MYO1C: variants seen among roughly 807,000 people sequenced by gnomAD.
The protein encoded by MYO1C is myosin IC.
In MYO1C, 104 loss-of-function variants were observed where a neutral mutation model predicts 150.8. The ratio of observed to expected loss-of-function variants is 0.69; its 90% CI spans 0.59 to 0.81. The LOEUF is 0.81. Ranked by LOEUF, MYO1C falls within the 30% of genes least tolerant of loss-of-function variation. MYO1C has a pLI of 0.00. For synonymous variants in MYO1C, 663 were observed against 579.9 expected (o/e 1.14, Z -2.06); for missense variants, 1,504 against 1,435.0 (o/e 1.05, Z -0.78).
At position 1,478,676 on chromosome 17, in the gene MYO1C, A is replaced by G. The variant is rs1289273066; in HGVS notation, c.1152T>C (p.Ala384=). 6.2e-7 allele frequency: 1 copy of G among 1,614,154 alleles called. No individual in the cohort carries two copies. The highest frequency in any genetic ancestry group is 8.5e-7 in the Non-Finnish European group (1 of 1,180,028). ...GCCAGGTAAAAGTGCGGCTGTACAC[A>G]GCCTTGGCGAGGGCGTCTCGTGCGT... is the stretch of plus-strand genomic sequence containing the variant. ...AAYARDALAK[A]VYSRTFTWLV... Residue 384 remains alanine (A), a synonymous_variant, in exon 10 of 32, where the codon GCT becomes GCC. Coordinates refer to ENST00000648651, the MANE Select transcript of MYO1C (RefSeq NM_001080779.2). The surrounding 1 kb of genome is among the most constrained non-coding windows in gnomAD (Gnocchi z 6.3).
In MYO1C at chr17:1,467,284, C is replaced by G. The variant is rs370307852; in HGVS notation, c.3123G>C (p.Ser1041=). 6.2e-7 allele frequency: 1 copy of G among 1,613,622 alleles called. No homozygotes were observed. The highest frequency in any genetic ancestry group is 1.1e-5 in the South Asian group (1 of 90,982). ...RDGTIDFTPG[S]ELLITKAKNG... ...TCTTGGCCTTGGTGATGAGCAGCTC[C>G]GAGCCGGGTGTGAAGTCAATGGTGC... The change falls in exon 31 of 32, where the codon TCG becomes TCC. Residue 1041 remains serine (S), a synonymous_variant. Coordinates refer to ENST00000648651, the MANE Select transcript of MYO1C (RefSeq NM_001080779.2).
At chr17:1,481,168 C>A in intron 5 of MYO1C, 1 of 468,330 alleles carries the variant, frequency 2.1e-6, no homozygotes, top group Non-Finnish European at 3.9e-6. Context: ...CCTTCTCCCT[C>A]TTCAAACAAG....
Position 1,482,910 on chromosome 17 carries a change from C to T in MYO1C, c.497G>A (p.Arg166His), listed in dbSNP as rs748056997. ...CAGCCGGTCCCGCACGGCACCTCCG[C>T]GCTCGGGGGCTGGGCAGGTCTCTGC... Reference protein sequence around the residue: ...FYAETCPAPERGGAVRDRLLQ... With the variant: ...FYAETCPAPEHGGAVRDRLLQ... The change falls in exon 4 of 32, where the codon CGC becomes CAC. Residue 166 changes from arginine to histidine, a missense_variant. Physicochemically the swap from Arg to His is conservative, Grantham distance 29 (BLOSUM62 0). Coordinates refer to ENST00000648651, the MANE Select transcript of MYO1C (RefSeq NM_001080779.2). The T allele has an allele frequency of 2.6e-5, 40 of 1,542,422 alleles. 1 individual carries two copies. Among genetic ancestry groups the T allele is most frequent in the East Asian group, 1.8e-4 (8 of 43,498 alleles).
chr17:1,481,204 G>A (rs1450312580), intron 5 of MYO1C: 6 of 391,724 alleles, frequency 1.5e-5, no homozygotes, highest in Non-Finnish European at 2.9e-5. Context: ...GCCCTCCTTG[G>A]TCAGTGGTGA....
chr17:1,489,852 C>A (rs1032649668), intron 1 of MYO1C, among the ~76,000 whole-genome samples: 6 of 151,048 alleles, frequency 4.0e-5, no homozygotes, highest in Admixed American at 2.6e-4. Flanking sequence ...CAGCCTGGCC[C>A]ACATGGTGAA....
chr17:1,483,697 A>G lies in MYO1C; in HGVS notation c.260T>C (p.Val87Ala). The G allele has an allele frequency of 6.2e-7, 1 of 1,613,026 alleles. No homozygotes were observed. ...GATCTGCAGGTCCCGGTAGGGATTG[A>G]CAGAGACCAGGACGGGGCCAATGTA... Reference protein sequence around the residue: ...YTYIGPVLVSVNPYRDLQIYS... With the variant: ...YTYIGPVLVSANPYRDLQIYS... Residue 87 changes from valine to alanine, a missense_variant, in exon 3 of 32, where the codon GTC becomes GCC. By Grantham distance (64) the Val-to-Ala change is moderately conservative. Transcript: ENST00000648651.
Position 1,479,804 on chromosome 17 carries a change from C to T in MYO1C, c.907-99G>A, listed in dbSNP as rs1005340614. On this transcript the variant is annotated intron_variant, in intron 7 of 31. Coordinates refer to ENST00000648651, the MANE Select transcript of MYO1C (RefSeq NM_001080779.2). The surrounding 1 kb of genome is among the most constrained non-coding windows in gnomAD (Gnocchi z 4.2). ...CATGCAGGGGTGGGTGGTGAAGTGT[C>T]GGAGAGAAGGGGCTGGAAGTGGGAA... The T allele has an allele frequency of 4.4e-5, 36 of 812,758 alleles. No homozygotes were observed. Among genetic ancestry groups the T allele is most frequent in the South Asian group, 1.2e-4 (8 of 65,150 alleles). 50.3% of individuals were successfully genotyped at this position (812,758 alleles called of 1,614,324 possible).
chr17:1,479,183 G>C lies in MYO1C; in HGVS notation c.1092+248C>G, dbSNP rs2074461858. On this transcript the variant is annotated intron_variant, in intron 9 of 31. Coordinates refer to ENST00000648651, the MANE Select transcript of MYO1C (RefSeq NM_001080779.2). The surrounding 1 kb of genome is among the most constrained non-coding windows in gnomAD (Gnocchi z 4.2). ...CTAATTTTTGTATTCTTAGTAGATG[G>C]GGTTTCACCATGTTGGCCAAGATGG... 6.6e-6 allele frequency among the ~76,000 whole-genome samples: 1 copy of C among 152,112 alleles called. No homozygotes were observed. The highest frequency in any genetic ancestry group is 2.1e-4 in the South Asian group (1 of 4,818).
At chr17:1,488,392 C>T (rs1274838511) in intron 1 of MYO1C, among the ~76,000 whole-genome samples, 5 of 152,208 alleles carry the variant, frequency 3.3e-5, no homozygotes, top group Admixed American at 2.6e-4. Context: ...GCGCGAGCCC[C>T]GGGCGGGGAG....
intron 1 of MYO1C, chr17:1,491,538 C>T (rs1175526540): frequency 1.4e-5 from 11 of 807,744 alleles, no homozygotes; most frequent in African/African-American, 1.9e-5. Context: ...GGCTCCCGGC[C>T]CGGCCGCCCG....
At chr17:1,485,012 G>A (rs1485326242) in intron 1 of MYO1C, 2 of 908,880 alleles carry the variant, frequency 2.2e-6, no homozygotes, top group African/African-American at 3.4e-5. Context: ...GAACGCGGGG[G>A]AGGCCCTCCC....
At position 1,483,610 on chromosome 17, in the gene MYO1C, AGGT is replaced by A; in HGVS notation, c.344_346del (p.His115del). The A allele has an allele frequency of 6.2e-7, 1 of 1,605,824 alleles. No individual in the cohort carries two copies. Among genetic ancestry groups the A allele is most frequent in the Non-Finnish European group, 8.5e-7 (1 of 1,176,216 alleles). ...TCCCGGAGGGGCTGGGGTCACTCAC[AGGT>A]GAGGGGGCACTTCATAGAAGCTGAC... On this transcript the variant is annotated inframe_deletion and splice_region_variant, in exon 3 of 32. Transcript: ENST00000648651.
chr17:1,485,801 C>T, intron 1 of MYO1C: 1 of 720,968 alleles, frequency 1.4e-6, no homozygotes, highest in Non-Finnish European at 1.7e-6. Flanking sequence ...GAGGGAGGGC[C>T]CGCCCCCCGC....
At chr17:1,489,301 G>T (rs1332605075) in intron 1 of MYO1C, among the ~76,000 whole-genome samples, 1 of 152,238 alleles carries the variant, frequency 6.6e-6, no homozygotes, top group African/African-American at 2.4e-5. Flanking sequence ...ACAGGGCCTT[G>T]GTCAAGGACT....
At chr17:1,480,967 G>C in intron 5 of MYO1C, 82 bp from the exon 6 acceptor site, 1 of 1,513,162 alleles carries the variant, frequency 6.6e-7, no homozygotes, top group Non-Finnish European at 9.0e-7. Flanking sequence ...CTGCACTCCT[G>C]GGCTTTGGCA....
In MYO1C at chr17:1,479,525, C is replaced by T. The variant is rs115442427; in HGVS notation, c.1021-23G>A. The T allele has an allele frequency of 3.7e-3, 5,633 of 1,505,634 alleles. 105 individuals are homozygous for T. Among genetic ancestry groups the T allele is most frequent in the African/African-American group, 0.034 (2,457 of 72,624 alleles). 93.3% of individuals were successfully genotyped at this position (1,505,634 alleles called of 1,614,324 possible). A position where few individuals can be genotyped will look rare whatever the true frequency, so the allele number is the denominator to read the frequency against. On this transcript the variant is annotated intron_variant, in intron 8 of 31. Coordinates refer to ENST00000648651, the MANE Select transcript of MYO1C (RefSeq NM_001080779.2). This position sits in a 1 kb window ranked among gnomAD's most constrained non-coding sequence, Gnocchi z 4.2. ...GAGCTGCCAAGGGCAGGCGAGGACA[C>T]GGTGAGGGTGCACCCCCAGCCCCCG...
At chr17:1,477,473 C>T (rs2074422530) in intron 14 of MYO1C, 32 bp downstream of exon 14, 2 of 1,598,706 alleles carry the variant, frequency 1.3e-6, no homozygotes, top group Non-Finnish European at 1.7e-6. Context: ...CAAGTGAGCC[C>T]TTGCCCCCAG....
At chr17:1,481,616 T>A (rs944939702) in intron 5 of MYO1C, among the ~76,000 whole-genome samples, 2 of 151,888 alleles carry the variant, frequency 1.3e-5, no homozygotes, top group Non-Finnish European at 2.9e-5. Context: ...TTCTCCTGCC[T>A]CAGCCTCCTG....
chr17:1,476,090 T>C (rs568436600), intron 14 of MYO1C, among the ~76,000 whole-genome samples: 1 of 152,326 alleles, frequency 6.6e-6, no homozygotes, highest in African/African-American at 2.4e-5. Flanking sequence ...ATATTATTTT[T>C]ATAATCAGGA....
Sources: gnomAD v4.1 joint callset for allele counts (sites outside exome capture counted in the v4.1 genomes callset) on GRCh38, gnomAD v4.1.1 for gene constraint, Gnocchi (gnomAD v3.1) non-coding constraint, MANE v1.5 for transcripts, NCBI Gene and HGNC (gene_info 2026-07-23, HGNC 2026-07-21) for gene names.